Variants in FGL1 observed in about 807,000 individuals in gnomAD.
The protein encoded by FGL1 is fibrinogen-like protein 1.
A neutral mutation model predicts 43.7 loss-of-function variants in FGL1; 59 were observed. The ratio of observed to expected loss-of-function variants is 1.35; its 90% CI spans 1.10 to 1.68. The LOEUF is 1.68. FGL1 is among the 40% of genes most tolerant of loss of function. FGL1 has a pLI of 0.00. For synonymous variants in FGL1, 192 were observed against 126.5 expected (o/e 1.52, Z -3.48); for missense variants, 596 against 373.0 (o/e 1.60, Z -4.92).
chr8:17,882,304 A>T lies in FGL1; in HGVS notation c.64-125T>A, dbSNP rs35559058. On this transcript the variant is annotated intron_variant, in intron 2 of 7. Transcript: ENST00000427924. ...AGTTCCCATTTCAGAATATTATTCCAAAGAGAAAGTGGCTTGAAAAGTTCT... is the reference window on the plus strand; with the variant it reads ...AGTTCCCATTTCAGAATATTATTCCTAAGAGAAAGTGGCTTGAAAAGTTCT... 625 of 907,752 alleles carry T rather than the reference A, an allele frequency of 6.9e-4. 2 individuals are homozygous for T. The African/African-American group carries it at 9.8e-3, about 14-fold the overall frequency. The allele number at this position is 907,752 out of a possible 1,614,324, so 56.2% of individuals were successfully genotyped here.
chr8:17,895,025 A>C (rs2053754992), intron 1 of FGL1, among the ~76,000 whole-genome samples: 1 of 151,750 alleles, frequency 6.6e-6, no homozygotes, highest in African/African-American at 2.4e-5. Context: ...TGAAATGTTC[A>C]TCTCATTACC....
chr8:17,890,652 T>A (rs543249390), intron 1 of FGL1, among the ~76,000 whole-genome samples: 2 of 152,324 alleles, frequency 1.3e-5, no homozygotes, highest in Non-Finnish European at 2.9e-5. Flanking sequence ...CCAGTAAAGA[T>A]CTGCCTGAGA....
intron 2 of FGL1, among the ~76,000 whole-genome samples, chr8:17,884,827 G>T (rs998498314): frequency 2.0e-5 from 3 of 151,960 alleles, no homozygotes; most frequent in Non-Finnish European, 4.4e-5. Context: ...TGAATGTTTT[G>T]TCTTTTTTAT....
In FGL1 at chr8:17,882,043, T is replaced by A. The variant is rs367822695; in HGVS notation, c.200A>T (p.Asp67Val). ...TCCAAGATCAATGACAGTATTCTCA[T>A]CTCCTTTATCAAGGAACTGGACTTC... is the stretch of plus-strand genomic sequence containing the variant. ...ENEVQFLDKG[D>V]ENTVIDLGSK... Residue 67 changes from aspartate to valine, a missense_variant, in exon 3 of 8, where the codon GAT (aspartate) becomes GTT (valine). By Grantham distance (152) the Asp-to-Val change is radical. Transcript: ENST00000427924. 3 of 1,613,868 alleles carry A rather than the reference T, an allele frequency of 1.9e-6. No individual in the cohort carries two copies.
chr8:17,875,543 T>TTCTTTCTCTCTCTCTCTCTCTCTC (rs1563452422), intron 3 of FGL1, among the ~76,000 whole-genome samples: 1 of 16,828 alleles, frequency 5.9e-5, no homozygotes, highest in African/African-American at 1.7e-4. Context: ...TTCTCTTTCT[T>TTCTTTCTCTCTCTCTCTCTCTCTC]TCTTTCTTTC....
At chr8:17,882,287 T>C (rs2053549316) in intron 2 of FGL1, 108 bp from the exon 3 acceptor site, 1 of 987,062 alleles carries the variant, frequency 1.0e-6, no homozygotes, top group Non-Finnish European at 1.4e-6. Flanking sequence ...CCAGTTCCCA[T>C]TTCAGAATAT....
At chr8:17,870,905 A>T (rs1354456169) in intron 5 of FGL1, among the ~76,000 whole-genome samples, 2 of 138,672 alleles carry the variant, frequency 1.4e-5, no homozygotes, top group African/African-American at 5.6e-5. Context: ...ACTCTGTCTC[A>T]AAAAAAAAAA....
intron 5 of FGL1, among the ~76,000 whole-genome samples, chr8:17,873,282 C>T (rs1025174642): frequency 6.6e-6 from 1 of 152,232 alleles, no homozygotes; most frequent in South Asian, 2.1e-4. Flanking sequence ...TATACATCCA[C>T]TCTTTTTTGT....
intron 5 of FGL1, 94 bp downstream of exon 5, chr8:17,873,925 T>C: frequency 1.4e-6 from 1 of 737,122 alleles, no homozygotes; most frequent in South Asian, 2.5e-5. Flanking sequence ...TAGCAATTAT[T>C]GAATTAGTTC....
Position 17,870,676 on chromosome 8 carries a change from G to A in FGL1, c.503-1672C>T, listed in dbSNP as rs35978984. On this transcript the variant is annotated intron_variant, in intron 5 of 7. Coordinates refer to ENST00000427924, the MANE Select transcript of FGL1 (RefSeq NM_004467.4). Reference sequence around the variant, plus strand: ...ATATCCAAGTTCTATTCACACCCAAGTTGGGTGGATTACAAGGTCAGGAGA... The same window carrying A: ...ATATCCAAGTTCTATTCACACCCAAATTGGGTGGATTACAAGGTCAGGAGA... 6.5e-3 allele frequency among the ~76,000 whole-genome samples: 992 copies of A among 152,262 alleles called. 11 individuals carry two copies. The highest frequency in any genetic ancestry group is 0.022 in the African/African-American group (933 of 41,554).
At chr8:17,865,309 G>C (rs1326905686) in intron 7 of FGL1, among the ~76,000 whole-genome samples, 4 of 152,194 alleles carry the variant, frequency 2.6e-5, no homozygotes, top group African/African-American at 9.6e-5. Context: ...GCTAAGGTGA[G>C]TGTCAGCAAA....
At position 17,889,307 on chromosome 8, in the gene FGL1, T is replaced by C. The variant is rs897062236; in HGVS notation, c.-17-3736A>G. Among the ~76,000 whole-genome samples, 12 of 152,206 alleles carry C rather than the reference T, an allele frequency of 7.9e-5. No individual in the cohort carries two copies. In the East Asian group the frequency reaches 2.3e-3, roughly 29 times the overall value. The stretch of plus-strand genomic sequence containing the variant: ...GCTTACGCCTGTAATCTCAGCACTT[T>C]GGGAGGACGAAGTGGGAGGATCGCC... On this transcript the variant is annotated intron_variant, in intron 1 of 7. Coordinates refer to ENST00000427924, the MANE Select transcript of FGL1 (RefSeq NM_004467.4).
intron 1 of FGL1, among the ~76,000 whole-genome samples, chr8:17,888,905 A>G (rs34218033): frequency 6.6e-6 from 1 of 152,214 alleles, no homozygotes; most frequent in Non-Finnish European, 1.5e-5. Context: ...CTAGTCCTCT[A>G]ATCCCTGTCA....
chr8:17,885,744 A>G, intron 1 of FGL1, 173 bp from the exon 2 acceptor site: 1 of 590,616 alleles, frequency 1.7e-6, no homozygotes, highest in Middle Eastern at 3.2e-4. Flanking sequence ...ACAGAATGAC[A>G]CTGAGTGTTA....
chr8:17,895,136 T>C (rs751719020), intron 1 of FGL1: 40 of 266,858 alleles, frequency 1.5e-4, no homozygotes, highest in Non-Finnish European at 2.1e-4. Flanking sequence ...AAAGTCATTA[T>C]ATTACTTTGA....
rs748467502 is a variant in FGL1 at position 17,868,568 on chromosome 8, C to A, written c.759G>T (p.Gln253His). ...CAAACCTGTTAAACCACCAGCCAGA[C>A]TGATCTTCTTCTGCGCAGTTCCCTT... ...NYEGNCAEED[Q>H]SGWWFNRCHS... is the part of the protein sequence containing the mutation. Residue 253 changes from glutamine (Q) to histidine (H), a missense_variant, in exon 7 of 8, where the codon CAG becomes CAT. Physicochemically the swap from Gln to His is conservative, Grantham distance 24. Coordinates refer to ENST00000427924, the MANE Select transcript of FGL1 (RefSeq NM_004467.4). 1.2e-6 allele frequency: 2 copies of A among 1,612,328 alleles called. No homozygotes were observed. The highest frequency in any genetic ancestry group is 1.7e-6 in the Non-Finnish European group (2 of 1,179,362).
rs1450298571 is a variant in FGL1 at position 17,882,033 on chromosome 8, A to G, written c.210T>C (p.Thr70=). The change falls in exon 3 of 8, where the codon ACT becomes ACC. Residue 70 remains threonine, a synonymous_variant. Coordinates refer to ENST00000427924, the MANE Select transcript of FGL1 (RefSeq NM_004467.4). ...VQFLDKGDEN[T]VIDLGSKRQY... ...GCCTCTTGCTTCCAAGATCAATGAC[A>G]GTATTCTCATCTCCTTTATCAAGGA... 1 of 1,614,014 alleles carries G rather than the reference A, an allele frequency of 6.2e-7. No individual in the cohort carries two copies. Among genetic ancestry groups the G allele is most frequent in the Non-Finnish European group, 8.5e-7 (1 of 1,179,980 alleles).
chr8:17,868,282 A>G (rs146857909), intron 7 of FGL1: 18 of 249,952 alleles, frequency 7.2e-5, no homozygotes, highest in East Asian at 1.6e-4. Context: ...GTGGCCTTCT[A>G]TTTATAACTC....
At chr8:17,879,402 T>A (rs1203873299) in intron 3 of FGL1, among the ~76,000 whole-genome samples, 1 of 152,104 alleles carries the variant, frequency 6.6e-6, no homozygotes, top group Non-Finnish European at 1.5e-5. Flanking sequence ...TTTGGATGTG[T>A]GTCCCCACCA....
Sources: gnomAD v4.1 joint callset for allele counts (sites outside exome capture counted in the v4.1 genomes callset) on GRCh38, gnomAD v4.1.1 for gene constraint, MANE v1.5 for transcripts, NCBI Gene and HGNC (gene_info 2026-07-23, HGNC 2026-07-21) for gene names.